IL1RAPL1: variants seen among roughly 807,000 people sequenced by gnomAD.
IL1RAPL1 encodes interleukin-1 receptor accessory protein-like 1.
Under a neutral mutation model 48.4 loss-of-function variants are expected in IL1RAPL1, and 3 were observed. That is an observed-to-expected ratio of 0.06 (90% confidence interval 0.03 to 0.16). The LOEUF is 0.16. Ranked by LOEUF, IL1RAPL1 falls within the 10% of genes least tolerant of loss-of-function variation. IL1RAPL1 has a pLI of 1.00. For synonymous variants in IL1RAPL1, 185 were observed against 187.7 expected, an observed-to-expected ratio of 0.99 and a Z score of 0.12; for missense variants, 349 against 530.6, an observed-to-expected ratio of 0.66 and a Z score of 3.36.
rs1002974658 is a variant in IL1RAPL1 at position 28,832,328 on chromosome X, C to G, written c.82+42903C>G. On this transcript the variant is annotated intron_variant, in intron 2 of 10. Coordinates refer to ENST00000378993, the MANE Select transcript of IL1RAPL1 (RefSeq NM_014271.4). ...TATGAGATCAATGTCTTTATTTACT[C>G]GAAGTACTCTTAAAAGTTTAGGACT... 4.5e-5 allele frequency among the ~76,000 whole-genome samples: 5 copies of G among 110,987 alleles called. No homozygotes were observed. The South Asian group carries it at 1.9e-3, about 42-fold the overall frequency.
intron 5 of IL1RAPL1, among the ~76,000 whole-genome samples, chrX:29,561,587 C>T (rs1922197297): frequency 8.9e-6 from 1 of 111,995 alleles, no homozygotes; most frequent in Non-Finnish European, 1.9e-5. Flanking sequence ...GCTATGCTTT[C>T]ACTTTCCCCT....
chrX:29,509,168 C>T (rs1039434481), intron 5 of IL1RAPL1, among the ~76,000 whole-genome samples: 1 of 111,688 alleles, frequency 9.0e-6, no homozygotes, highest in Non-Finnish European at 1.9e-5. Context: ...AAAATCTGTA[C>T]GGCAGGCTGT....
chrX:29,563,366 AC>A (rs1922302425), intron 5 of IL1RAPL1, among the ~76,000 whole-genome samples: 1 of 111,939 alleles, frequency 8.9e-6, no homozygotes, highest in Non-Finnish European at 1.9e-5. Flanking sequence ...CTTTTTATTC[AC>A]TTTTATGTTA....
At chrX:29,160,444 G>A (rs1386970155) in intron 2 of IL1RAPL1, among the ~76,000 whole-genome samples, 1 of 111,590 alleles carries the variant, frequency 9.0e-6, no homozygotes, top group Non-Finnish European at 1.9e-5. Flanking sequence ...ATTGTGTAAA[G>A]ATGTCTTAAT....
intron 5 of IL1RAPL1, among the ~76,000 whole-genome samples, chrX:29,602,294 A>T (rs985755562): frequency 8.9e-6 from 1 of 111,735 alleles, no homozygotes; most frequent in African/African-American, 3.3e-5. Flanking sequence ...ATTCTTAATA[A>T]GAGGTTGTAA....
intron 5 of IL1RAPL1, among the ~76,000 whole-genome samples, chrX:29,435,202 C>T (rs1458347665): frequency 1.8e-5 from 2 of 111,382 alleles, no homozygotes; most frequent in Non-Finnish European, 3.8e-5. Flanking sequence ...ACATTCATCA[C>T]ATTGATGAAC....
chrX:28,778,502 T>C (rs1350793454), intron 1 of IL1RAPL1, among the ~76,000 whole-genome samples: 1 of 111,897 alleles, frequency 8.9e-6, no homozygotes, highest in Non-Finnish European at 1.9e-5. Flanking sequence ...AAAAGTTTCT[T>C]TGGTATGGGC....
chrX:29,556,442 A>G (rs1922003929), intron 5 of IL1RAPL1, among the ~76,000 whole-genome samples: 1 of 111,011 alleles, frequency 9.0e-6, no homozygotes, highest in South Asian at 3.8e-4. Context: ...CGAGGTCAGG[A>G]GTTGAGACCA....
chrX:29,829,791 T>C (rs1173609173), intron 6 of IL1RAPL1, among the ~76,000 whole-genome samples: 2 of 112,253 alleles, frequency 1.8e-5, no homozygotes, highest in Admixed American at 9.4e-5. Flanking sequence ...TTTTGATTGA[T>C]AGTGTCTACT....
chrX:29,885,227 A>C (rs1932125854), intron 6 of IL1RAPL1, among the ~76,000 whole-genome samples: 1 of 111,763 alleles, frequency 8.9e-6, no homozygotes, highest in Non-Finnish European at 1.9e-5. Flanking sequence ...TTTTTTCTCA[A>C]ATGTCACCAT....
intron 3 of IL1RAPL1, among the ~76,000 whole-genome samples, chrX:29,313,591 A>G (rs1168527338): frequency 9.0e-6 from 1 of 111,571 alleles, no homozygotes; most frequent in Non-Finnish European, 1.9e-5. Flanking sequence ...AGCATATAAT[A>G]AACACCCAAT....
At chrX:29,121,291 T>G (rs561876820) in intron 2 of IL1RAPL1, among the ~76,000 whole-genome samples, 7 of 112,186 alleles carry the variant, frequency 6.2e-5, no homozygotes, top group Admixed American at 5.7e-4. Flanking sequence ...CCTTGATTTA[T>G]GACAAGGTTA....
intron 2 of IL1RAPL1, among the ~76,000 whole-genome samples, chrX:28,902,478 T>C (rs1601951432): frequency 8.9e-6 from 1 of 112,093 alleles, no homozygotes; most frequent in Non-Finnish European, 1.9e-5. Context: ...TTCAAGAAAC[T>C]TCCAGGTAAT....
chrX:29,646,837 C>G (rs932233760), intron 5 of IL1RAPL1, among the ~76,000 whole-genome samples: 5 of 110,784 alleles, frequency 4.5e-5, no homozygotes, highest in African/African-American at 1.6e-4. Flanking sequence ...AACATGCCCA[C>G]CAAAAATACC....
chrX:29,686,250 A>C (rs1010045898), intron 6 of IL1RAPL1, among the ~76,000 whole-genome samples: 8 of 111,472 alleles, frequency 7.2e-5, no homozygotes, highest in African/African-American at 2.6e-4. Context: ...CAGTTTAATA[A>C]TCCATCAGCT....
chrX:28,825,344 A>C (rs1412688601), intron 2 of IL1RAPL1, among the ~76,000 whole-genome samples: 1 of 111,514 alleles, frequency 9.0e-6, no homozygotes, highest in Non-Finnish European at 1.9e-5. Flanking sequence ...GAATGGCACA[A>C]TAGCATGAGA....
chrX:29,865,919 G>A (rs1931686810), intron 6 of IL1RAPL1, among the ~76,000 whole-genome samples: 1 of 108,995 alleles, frequency 9.2e-6, no homozygotes, highest in Non-Finnish European at 1.9e-5. Context: ...CAAAGTGCTG[G>A]GATTACAGGC....
intron 6 of IL1RAPL1, among the ~76,000 whole-genome samples, chrX:29,766,784 T>G (rs971156343): frequency 7.5e-4 from 77 of 102,756 alleles, no homozygotes; most frequent in African/African-American, 2.5e-3. Flanking sequence ...ATTATATAAA[T>G]ATAAATTATA....
chrX:29,056,560 A>T (rs937490282), intron 2 of IL1RAPL1, among the ~76,000 whole-genome samples: 1 of 112,120 alleles, frequency 8.9e-6, no homozygotes, highest in Non-Finnish European at 1.9e-5. Context: ...GCACAATATT[A>T]CTTCCACCAA....
Sources: gnomAD v4.1 joint callset for allele counts (sites outside exome capture counted in the v4.1 genomes callset) on GRCh38, gnomAD v4.1.1 for gene constraint, MANE v1.5 for transcripts, NCBI Gene and HGNC (gene_info 2026-07-23, HGNC 2026-07-21) for gene names.